RSPO2: variants seen among roughly 807,000 people sequenced by gnomAD.
RSPO2 encodes the protein R-spondin 2.
In RSPO2, 14 loss-of-function variants were observed where a neutral mutation model predicts 30.9. That is an observed-to-expected ratio of 0.45 (90% CI 0.30 to 0.71). The LOEUF is 0.71. Ranked by LOEUF, RSPO2 falls within the 30% of genes least tolerant of loss-of-function variation. RSPO2 has a pLI of 0.08. For synonymous variants in RSPO2, 107 were observed against 96.4 expected (o/e 1.11, Z -0.64); for missense variants, 264 against 301.9 (o/e 0.87, Z 0.93).
At chr8:107,906,873 C>T (rs949138203) in intron 5 of RSPO2, among the ~76,000 whole-genome samples, 6 of 151,732 alleles carry the variant, frequency 4.0e-5, no homozygotes, top group African/African-American at 9.7e-5. Context: ...AATAATCAAG[C>T]GAATTAACAC....
intron 3 of RSPO2, among the ~76,000 whole-genome samples, chr8:107,963,231 T>TAAAAA (rs5893893): frequency 6.9e-6 from 1 of 144,754 alleles, no homozygotes; most frequent in Admixed American, 6.9e-5. Context: ...ATTGTTAAGT[T>TAAAAA]AAAAAAAAAA....
chr8:108,008,824 G>T (rs891134647), intron 2 of RSPO2, among the ~76,000 whole-genome samples: 5 of 151,044 alleles, frequency 3.3e-5, no homozygotes, highest in African/African-American at 1.2e-4. Flanking sequence ...AAATTTGACT[G>T]AAACAATAAA....
At chr8:108,013,627 T>C (rs747055945) in intron 2 of RSPO2, among the ~76,000 whole-genome samples, 4 of 152,150 alleles carry the variant, frequency 2.6e-5, no homozygotes, top group Non-Finnish European at 4.4e-5. Flanking sequence ...ATAAATGGTG[T>C]TGGGAAAACT....
At chr8:108,060,463 CGAGAA>C (rs1378918816) in intron 2 of RSPO2, among the ~76,000 whole-genome samples, 3 of 150,990 alleles carry the variant, frequency 2.0e-5, no homozygotes, top group East Asian at 3.9e-4. Flanking sequence ...TGAAATGAAG[CGAGAA>C]GAGAAGTTTA....
intron 5 of RSPO2, among the ~76,000 whole-genome samples, chr8:107,954,458 G>T (rs1364695732): frequency 6.6e-6 from 1 of 152,084 alleles, no homozygotes; most frequent in Non-Finnish European, 1.5e-5. Flanking sequence ...GTATACTCAG[G>T]GAGAGGGCAA....
chr8:107,932,484 T>C (rs541748053), intron 5 of RSPO2, among the ~76,000 whole-genome samples: 1 of 152,168 alleles, frequency 6.6e-6, no homozygotes, highest in African/African-American at 2.4e-5. Flanking sequence ...GGTGGAAATA[T>C]GAAGATTAGG....
chr8:107,987,538 G>A lies in RSPO2; in HGVS notation c.283+1518C>T, dbSNP rs78791884. On this transcript the variant is annotated intron_variant, in intron 3 of 5. Coordinates refer to ENST00000276659, the MANE Select transcript of RSPO2 (RefSeq NM_178565.5). ...CCACGAAGTGTTTAAAAATGTTTGG[G>A]GACATGTTTGCTTATAACAGTAGTG... Among the ~76,000 whole-genome samples the A allele has an allele frequency of 4.0e-3, 609 of 152,220 alleles. 4 individuals are homozygous for A. The highest frequency in any genetic ancestry group is 0.014 in the African/African-American group (586 of 41,512).
chr8:108,068,186 A>T (rs183010974), intron 2 of RSPO2, among the ~76,000 whole-genome samples: 421 of 152,364 alleles, frequency 2.8e-3, no homozygotes, highest in Admixed American at 5.2e-3. Flanking sequence ...AGATGTTGTA[A>T]TAAGTAATAA....
intron 5 of RSPO2, among the ~76,000 whole-genome samples, chr8:107,937,687 T>C (rs28664193): frequency 0.046 from 6,918 of 151,486 alleles, 291 homozygotes; most frequent in African/African-American, 0.11. Context: ...TTGGAACAGA[T>C]TGGCATCAAC....
At chr8:108,066,178 G>A (rs1812661573) in intron 2 of RSPO2, among the ~76,000 whole-genome samples, 1 of 152,202 alleles carries the variant, frequency 6.6e-6, no homozygotes, top group Admixed American at 6.5e-5. Context: ...TCCTTCTCAG[G>A]TGACATTACT....
chr8:108,073,797 GAC>G (rs1265761436), intron 2 of RSPO2, among the ~76,000 whole-genome samples: 1 of 152,172 alleles, frequency 6.6e-6, no homozygotes, highest in Non-Finnish European at 1.5e-5. Context: ...TAAATCTTGA[GAC>G]AGTGCTTCCA....
intron 2 of RSPO2, among the ~76,000 whole-genome samples, chr8:108,037,796 G>T (rs1400085168): frequency 1.3e-5 from 2 of 152,132 alleles, no homozygotes; most frequent in East Asian, 3.8e-4. Context: ...TCTATAAGTG[G>T]AATAACAAAA....
intron 2 of RSPO2, among the ~76,000 whole-genome samples, chr8:108,019,606 A>T (rs973523546): frequency 2.0e-4 from 30 of 152,188 alleles, no homozygotes; most frequent in African/African-American, 4.6e-4. Context: ...TTGTTTTTTT[A>T]AAAAACTTTG....
chr8:107,958,037 C>A, intron 5 of RSPO2, 43 bp downstream of exon 5: 1 of 1,267,386 alleles, frequency 7.9e-7, no homozygotes, highest in South Asian at 1.7e-5. Context: ...CGGGAGAATT[C>A]AGGAAGCACA....
At chr8:107,974,736 G>A (rs2130482453) in intron 3 of RSPO2, among the ~76,000 whole-genome samples, 1 of 151,950 alleles carries the variant, frequency 6.6e-6, no homozygotes, top group Non-Finnish European at 1.5e-5. Context: ...GGGGGAAGAA[G>A]AAGAAAATAT....
chr8:108,003,277 G>GTA lies in RSPO2; in HGVS notation c.95-14035_95-14034dup, dbSNP rs59782097. On this transcript the variant is annotated intron_variant, in intron 2 of 5. Transcript: ENST00000276659. The stretch of plus-strand genomic sequence containing the variant: ...TGTGTGTGTGTGTGTGTGTGTGTGT[G>GTA]TATATATATATATATATATATATAT... 4.8e-3 allele frequency among the ~76,000 whole-genome samples: 270 copies of GTA among 56,308 alleles called. 4 individuals carry two copies. The highest frequency in any genetic ancestry group is 0.033 in the East Asian group (48 of 1,470). The allele number at this position is 56,308 out of a possible 152,430, so 36.9% of individuals were successfully genotyped here.
intron 5 of RSPO2, among the ~76,000 whole-genome samples, chr8:107,907,534 C>T (rs1586530169): frequency 6.6e-6 from 1 of 152,056 alleles, no homozygotes. Context: ...TTAGTCATTT[C>T]ATCGTCATAA....
intron 5 of RSPO2, among the ~76,000 whole-genome samples, chr8:107,918,492 G>T (rs1205302086): frequency 6.6e-6 from 1 of 152,054 alleles, no homozygotes; most frequent in African/African-American, 2.4e-5. Flanking sequence ...CTCATATCTT[G>T]TCTGTACAGT....
rs189220156 is a variant in RSPO2, at chr8:108,061,322, A to G, written c.94+21223T>C. On this transcript the variant is annotated intron_variant, in intron 2 of 5. Transcript: ENST00000276659. ...GTGCAGAGACACACATGGGCTCAAAATAAAGGGATGGAGGAAGATCTACCA... is the reference window on the plus strand; with the variant it reads ...GTGCAGAGACACACATGGGCTCAAAGTAAAGGGATGGAGGAAGATCTACCA... Among the ~76,000 whole-genome samples, 304 of 151,984 alleles carry G rather than the reference A, an allele frequency of 2.0e-3. 8 individuals are homozygous for G. The highest frequency in any genetic ancestry group is 6.7e-3 in the African/African-American group (276 of 41,244).
Sources: gnomAD v4.1 joint callset for allele counts (sites outside exome capture counted in the v4.1 genomes callset) on GRCh38, gnomAD v4.1.1 for gene constraint, MANE v1.5 for transcripts, NCBI Gene and HGNC (gene_info 2026-07-23, HGNC 2026-07-21) for gene names.